Variants in ELMO1 observed in about 807,000 individuals in gnomAD.
The protein encoded by ELMO1 is engulfment and cell motility 1.
Under a neutral mutation model 98.9 loss-of-function variants are expected in ELMO1, and 26 were observed. The ratio of observed to expected loss-of-function variants is 0.26; its 90% CI spans 0.19 to 0.36. The LOEUF (loss-of-function observed/expected upper bound fraction) is 0.36, where lower values mean the gene tolerates loss of function less well. ELMO1 is among the 10% of genes least tolerant of loss of function. The pLI is 1.00. For missense variants in ELMO1, 627 were observed against 935.2 expected (o/e 0.67, Z 4.30); for synonymous variants, 346 against 346.0 (o/e 1.00, Z 0.00).
At chr7:37,043,974 G>A (rs935946171) in intron 15 of ELMO1, among the ~76,000 whole-genome samples, 3 of 152,166 alleles carry the variant, frequency 2.0e-5, no homozygotes, top group Non-Finnish European at 1.5e-5. Context: ...TTGAAATAAT[G>A]AAGTAGTCTT....
chr7:36,985,862 C>T (rs1791461193), intron 16 of ELMO1: 1 of 984,972 alleles, frequency 1.0e-6, no homozygotes, highest in African/African-American at 1.8e-5. Flanking sequence ...TAGGACAAAG[C>T]TACATTTAGC....
chr7:37,212,860 C>G (rs919478909), intron 12 of ELMO1, among the ~76,000 whole-genome samples: 13 of 152,242 alleles, frequency 8.5e-5, no homozygotes, highest in African/African-American at 3.1e-4. Context: ...CAGAGAGTTA[C>G]AGCCAACAGC....
intron 15 of ELMO1, among the ~76,000 whole-genome samples, chr7:37,017,940 TTAAA>T (rs1794037958): frequency 1.3e-5 from 2 of 152,200 alleles, no homozygotes; most frequent in Admixed American, 6.5e-5. Flanking sequence ...ATTCGAATAA[TTAAA>T]TGTGATGCCC....
chr7:37,354,563 C>A (rs1371415112), intron 1 of ELMO1, among the ~76,000 whole-genome samples: 1 of 152,246 alleles, frequency 6.6e-6, no homozygotes, highest in Non-Finnish European at 1.5e-5. Flanking sequence ...TGGGAATCAG[C>A]ATTTCAACTG....
chr7:36,898,408 T>C lies in ELMO1; in HGVS notation c.1438-3391A>G, dbSNP rs1806207242. Among the ~76,000 whole-genome samples the C allele has an allele frequency of 1.3e-5, 2 of 152,086 alleles. 1 individual carries two copies. Among genetic ancestry groups the C allele is most frequent in the East Asian group, 3.8e-4 (2 of 5,200 alleles). ...ATTGCCCCATCATTCAATCGATGTC[T>C]GGACCATGTCAGTGGTGTGTTTCTG... On this transcript the variant is annotated intron_variant, in intron 16 of 21. Transcript: ENST00000310758.
At chr7:37,249,563 T>C (rs1795224162) in intron 6 of ELMO1, among the ~76,000 whole-genome samples, 1 of 152,176 alleles carries the variant, frequency 6.6e-6, no homozygotes, top group Admixed American at 6.5e-5. Context: ...GCTATCTTTC[T>C]GAGGAAAACC....
At chr7:37,266,166 G>A (rs967593031) in intron 5 of ELMO1, among the ~76,000 whole-genome samples, 1 of 152,090 alleles carries the variant, frequency 6.6e-6, no homozygotes, top group Admixed American at 6.5e-5. Context: ...AGGCCGCTGA[G>A]AGTGATGCCA....
intron 1 of ELMO1, among the ~76,000 whole-genome samples, chr7:37,358,028 C>T (rs1475878029): frequency 6.6e-6 from 1 of 152,172 alleles, no homozygotes; most frequent in Non-Finnish European, 1.5e-5. Flanking sequence ...GGTTGCTGAT[C>T]TGCTCACTGG....
chr7:37,178,434 CA>C (rs10572924), intron 13 of ELMO1, among the ~76,000 whole-genome samples: 28,083 of 139,968 alleles, frequency 0.2, 3,327 homozygotes, highest in East Asian at 0.34. Context: ...CCCATCTCTT[CA>C]AAAAAAAAAA....
intron 15 of ELMO1, among the ~76,000 whole-genome samples, chr7:37,054,376 C>T (rs1244322567): frequency 3.9e-5 from 6 of 152,014 alleles, no homozygotes; most frequent in Admixed American, 6.6e-5. Context: ...AACAGCCTAC[C>T]AAGAAGATGC....
At chr7:36,933,754 T>A (rs1786255576) in intron 16 of ELMO1, among the ~76,000 whole-genome samples, 2 of 152,134 alleles carry the variant, frequency 1.3e-5, no homozygotes, top group South Asian at 2.1e-4. Context: ...CAGGTAGCAC[T>A]GAGGCACCTG....
At chr7:37,253,200 C>T (rs1406093356) in intron 6 of ELMO1, among the ~76,000 whole-genome samples, 2 of 152,160 alleles carry the variant, frequency 1.3e-5, no homozygotes, top group African/African-American at 4.8e-5. Context: ...TCAGAAATAA[C>T]ATTTGACCCA....
chr7:36,993,803 G>A (rs1489407893), intron 16 of ELMO1, among the ~76,000 whole-genome samples: 1 of 152,162 alleles, frequency 6.6e-6, no homozygotes, highest in African/African-American at 2.4e-5. Flanking sequence ...CCCCCACCAA[G>A]TCATCTCAAG....
At chr7:36,896,725 G>A (rs73119941) in intron 16 of ELMO1, among the ~76,000 whole-genome samples, 12,349 of 151,916 alleles carry the variant, frequency 0.081, 687 homozygotes, top group Middle Eastern at 0.14. Context: ...TGGGATGCTT[G>A]ACAAATTTGG....
chr7:37,194,076 G>A (rs1167776021), intron 13 of ELMO1, among the ~76,000 whole-genome samples: 1 of 152,168 alleles, frequency 6.6e-6, no homozygotes, highest in African/African-American at 2.4e-5. Flanking sequence ...AGTCCCATGT[G>A]TCACACACTC....
chr7:37,164,217 A>T (rs75042888), intron 13 of ELMO1, among the ~76,000 whole-genome samples: 107,685 of 152,002 alleles, frequency 0.71, 40,727 homozygotes, highest in Non-Finnish European at 0.83. Flanking sequence ...GTTTGAGTTC[A>T]TTGTAGATTC....
intron 13 of ELMO1, among the ~76,000 whole-genome samples, chr7:37,189,562 C>T (rs1374773535): frequency 2.0e-5 from 3 of 152,160 alleles, no homozygotes; most frequent in South Asian, 2.1e-4. Flanking sequence ...GAAGCCCACT[C>T]TCTTGCGGCT....
intron 15 of ELMO1, among the ~76,000 whole-genome samples, chr7:37,026,472 C>A (rs1794584524): frequency 6.6e-6 from 1 of 152,114 alleles, no homozygotes; most frequent in Admixed American, 6.5e-5. Flanking sequence ...GTAACTGACT[C>A]CCCTTCAAAA....
chr7:37,110,036 G>C (rs1256998747), intron 14 of ELMO1, among the ~76,000 whole-genome samples: 1 of 152,188 alleles, frequency 6.6e-6, no homozygotes, highest in Non-Finnish European at 1.5e-5. Flanking sequence ...GGATGAACCA[G>C]GTCCTCCCCT....
Sources: allele counts gnomAD v4.1 joint callset (sites outside exome capture counted in the v4.1 genomes callset), GRCh38; gene constraint gnomAD v4.1.1; transcripts MANE v1.5; gene names NCBI Gene and HGNC (gene_info 2026-07-23, HGNC 2026-07-21).